Variants in PARP14 observed in about 807,000 individuals in gnomAD.
PARP14 encodes poly(ADP-ribose) polymerase family member 14, also known as protein mono-ADP-ribosyltransferase PARP14.
Under a neutral mutation model 154.2 loss-of-function variants are expected in PARP14, and 59 were observed. The observed-to-expected ratio is 0.38, with a 90% CI of 0.31 to 0.48. The LOEUF is 0.48. Ranked by LOEUF, PARP14 falls within the 20% of genes least tolerant of loss-of-function variation. The probability of loss-of-function intolerance (pLI) is 0.98; values close to 1 mark genes in which losing one functional copy is unlikely to be tolerated. For synonymous variants in PARP14, 720 were observed against 780.5 expected, an observed-to-expected ratio of 0.92 and a Z score of 1.29; for missense variants, 1,734 against 2,131.6, an observed-to-expected ratio of 0.81 and a Z score of 3.67.
chr3:122,687,141 C>G, intron 3 of PARP14, 28 bp downstream of exon 3: 1 of 1,549,670 alleles, frequency 6.5e-7, no homozygotes, highest in Non-Finnish European at 8.8e-7. Context: ...ATGACTCTGA[C>G]ATTCACCAAG....
intron 3 of PARP14, among the ~76,000 whole-genome samples, chr3:122,690,426 T>C (rs1186944707): frequency 1.3e-5 from 2 of 152,208 alleles, no homozygotes; most frequent in Non-Finnish European, 2.9e-5. Flanking sequence ...TGTGTGTGCA[T>C]GGCATGATAG....
At chr3:122,687,526 G>T (rs1225495635) in intron 3 of PARP14, among the ~76,000 whole-genome samples, 1 of 152,214 alleles carries the variant, frequency 6.6e-6, no homozygotes, top group East Asian at 1.9e-4. Flanking sequence ...GCTGTGCTCT[G>T]GAGCCAAAAC....
In PARP14 at chr3:122,699,784, GGACACCATA is replaced by G; in HGVS notation, c.1231_1239del (p.Asp411_Ile413del). ...CAATTAAAGTGGATCCAACAATGTG[GGACACCATA>G]AAAAATGATGTGAAAGATGACAGGA... is the stretch of plus-strand genomic sequence containing the variant. On this transcript the variant is annotated inframe_deletion, in exon 6 of 17. Coordinates refer to ENST00000474629, the MANE Select transcript of PARP14 (RefSeq NM_017554.3). The G allele has an allele frequency of 6.2e-7, 1 of 1,613,870 alleles. No homozygotes were observed. The highest frequency in any genetic ancestry group is 2.2e-5 in the East Asian group (1 of 44,888).
Position 122,699,862 on chromosome 3 carries a change from A to G in PARP14, c.1308A>G (p.Ala436=). The change falls in exon 6 of 17, where the codon GCA becomes GCG. Residue 436 remains alanine, a synonymous_variant. Transcript: ENST00000474629. ...CACTTAAGGAGATGGTAATCTTAGC[A>G]GGGAAATCAGAGGATGTCCAAAGCA... ...FDTLKEMVIL[A]GKSEDVQSIE... The G allele has an allele frequency of 6.2e-7, 1 of 1,613,838 alleles. No individual in the cohort carries two copies. Among genetic ancestry groups the G allele is most frequent in the African/African-American group, 1.3e-5 (1 of 75,062 alleles).
intron 15 of PARP14, among the ~76,000 whole-genome samples, chr3:122,727,432 A>C (rs1026783809): frequency 6.6e-6 from 1 of 152,214 alleles, no homozygotes; most frequent in African/African-American, 2.4e-5. Flanking sequence ...CCAGTATCCC[A>C]GAAGGACTGA....
rs1168175070 is a variant in PARP14 at position 122,701,055 on chromosome 3, C to A, written c.2501C>A (p.Ala834Asp). ...GACCTTAAGCATTATGGTGGCCTGG[C>A]CGCTGCGCTCTCAAAAGCAGCTGGC... The part of the protein sequence containing the change: ...NEDLKHYGGL[A>D]AALSKAAGPE... The change falls in exon 6 of 17, where the codon GCC becomes GAC. Residue 834 changes from alanine (A) to aspartate (D), a missense_variant. Ala to Asp is a moderately radical substitution (Grantham distance 126). Transcript: ENST00000474629. The surrounding 1 kb of genome is among the most constrained non-coding windows in gnomAD (Gnocchi z 4.0). 1.2e-6 allele frequency: 2 copies of A among 1,613,854 alleles called. No individual in the cohort carries two copies. Among genetic ancestry groups the A allele is most frequent in the African/African-American group, 2.7e-5 (2 of 74,932 alleles).
rs762047038 is a variant in PARP14, at chr3:122,681,094, G to T, written c.187+24G>T. On this transcript the variant is annotated intron_variant, in intron 1 of 16. Coordinates refer to ENST00000474629, the MANE Select transcript of PARP14 (RefSeq NM_017554.3). The surrounding 1 kb of genome is among the most constrained non-coding windows in gnomAD (Gnocchi z 5.5). The stretch of plus-strand genomic sequence containing the variant: ...CGGTGAGGGGCGCGAGGGGTGGGGT[G>T]AGGAGGGGGCACCTCTGCCCTCCCT... 6.3e-7 allele frequency: 1 copy of T among 1,579,200 alleles called. No individual in the cohort carries two copies. The highest frequency in any genetic ancestry group is 1.1e-5 in the South Asian group (1 of 90,092).
chr3:122,727,603 G>A (rs1560352), intron 15 of PARP14, among the ~76,000 whole-genome samples: 66,641 of 152,128 alleles, frequency 0.44, 15,738 homozygotes, highest in South Asian at 0.54. Flanking sequence ...CATAAAAGAT[G>A]TTAAAAATTA....
Position 122,700,657 on chromosome 3 carries a change from T to C in PARP14, c.2103T>C (p.Asn701=), listed in dbSNP as rs778017445. ...KLFWPKIKKV[N]VQVSFNPENK... ...TCTGGCCAAAGATAAAGAAGGTAAA[T>C]GTGCAGGTAAGTTTCAATCCTGAGA... Residue 701 remains asparagine, a synonymous_variant, in exon 6 of 17, where the codon AAT becomes AAC. Transcript: ENST00000474629. 6.2e-7 allele frequency: 1 copy of C among 1,607,764 alleles called. No homozygotes were observed. Among genetic ancestry groups the C allele is most frequent in the Non-Finnish European group, 8.5e-7 (1 of 1,176,796 alleles).
At chr3:122,702,993 T>TAAAAAAAAAAAAAAA (rs10707029) in intron 6 of PARP14, among the ~76,000 whole-genome samples, 1 of 83,948 alleles carries the variant, frequency 1.2e-5, no homozygotes, top group Non-Finnish European at 2.4e-5. Flanking sequence ...CCCTCTCTCT[T>TAAAAAAAAAAAAAAA]AAAAAAAAAA....
chr3:122,692,398 G>A lies in PARP14; in HGVS notation c.453G>A (p.Val151=). 1.2e-6 allele frequency: 2 copies of A among 1,613,762 alleles called. No individual in the cohort carries two copies. The highest frequency in any genetic ancestry group is 1.7e-6 in the Non-Finnish European group (2 of 1,179,724). Residue 151 remains valine, a synonymous_variant, in exon 4 of 17, where the codon GTG becomes GTA. Coordinates refer to ENST00000474629, the MANE Select transcript of PARP14 (RefSeq NM_017554.3). ...PEECENISSL[V]AFENLKANVT... is the part of the protein sequence containing the mutation. ...AATGTGAAAATATTTCCTCTTTGGT[G>A]GCATTTGAAAACCTCAAGGCAAATG...
At chr3:122,686,045 A>G (rs1938364084) in intron 2 of PARP14, among the ~76,000 whole-genome samples, 1 of 152,254 alleles carries the variant, frequency 6.6e-6, no homozygotes, top group African/African-American at 2.4e-5. Context: ...ATCCAACAAC[A>G]GATTGCAGGA....
At chr3:122,719,410 C>T (rs558530016) in intron 14 of PARP14, among the ~76,000 whole-genome samples, 3 of 152,236 alleles carry the variant, frequency 2.0e-5, no homozygotes, top group East Asian at 3.9e-4. Flanking sequence ...CAGGGAGGAT[C>T]GGGAGCCTGT....
At position 122,681,070 on chromosome 3, in the gene PARP14, G is replaced by T. The variant is rs1443072515; in HGVS notation, c.187G>T (p.Val63Phe). 1 of 1,612,044 alleles carries T rather than the reference G, an allele frequency of 6.2e-7. No homozygotes were observed. The highest frequency in any genetic ancestry group is 1.7e-5 in the Admixed American group (1 of 59,980). Residue 63 changes from valine (V) to phenylalanine (F), a missense_variant and splice_region_variant, in exon 1 of 17, where the codon GTT (valine) becomes TTT (phenylalanine). Around this residue, in one of 2 missense-constraint regions of PARP14, gnomAD observed 1,646 missense variants for 1,976.0 expected, o/e 0.83. Transcript: ENST00000474629. The surrounding 1 kb of genome is among the most constrained non-coding windows in gnomAD (Gnocchi z 5.5). The part of the protein sequence containing the change: ...RFLVFFYPED[V>F]RQKVLERKNH... ...CCTGGTGTTCTTCTACCCGGAGGACGGTGAGGGGCGCGAGGGGTGGGGTGA... is the reference window on the plus strand; with the variant it reads ...CCTGGTGTTCTTCTACCCGGAGGACTGTGAGGGGCGCGAGGGGTGGGGTGA...
At chr3:122,706,444 C>T (rs7612419) in intron 8 of PARP14, among the ~76,000 whole-genome samples, 21,912 of 152,126 alleles carry the variant, frequency 0.14, 1,730 homozygotes, top group African/African-American at 0.22. Context: ...AAAAAAATTT[C>T]AATCAGTTGC....
Position 122,700,322 on chromosome 3 carries a change from A to G in PARP14, c.1768A>G (p.Lys590Glu). 1 of 1,613,754 alleles carries G rather than the reference A, an allele frequency of 6.2e-7. No individual in the cohort carries two copies. Among genetic ancestry groups the G allele is most frequent in the Non-Finnish European group, 8.5e-7 (1 of 1,179,758 alleles). Residue 590 changes from lysine to glutamate, a missense_variant, in exon 6 of 17, where the codon AAG (lysine) becomes GAG (glutamate). Physicochemically the swap from Lys to Glu is moderately conservative, Grantham distance 56. Coordinates refer to ENST00000474629, the MANE Select transcript of PARP14 (RefSeq NM_017554.3). ...CSSEALLEAE[K>E]QMLSALNYKR... Reference sequence around the variant, plus strand: ...TTCTGAAGCCCTGTTAGAAGCAGAAAAGCAAATGCTCAGTGCCTTAAATTA... The same window carrying G: ...TTCTGAAGCCCTGTTAGAAGCAGAAGAGCAAATGCTCAGTGCCTTAAATTA...
At chr3:122,723,379 TA>T (rs1933206939) in intron 15 of PARP14, among the ~76,000 whole-genome samples, 1 of 152,224 alleles carries the variant, frequency 6.6e-6, no homozygotes, top group African/African-American at 2.4e-5. Context: ...CTCTTGCATT[TA>T]AAAAATTATT....
chr3:122,700,913 C>T lies in PARP14; in HGVS notation c.2359C>T (p.Pro787Ser), dbSNP rs1418643196. The T allele has an allele frequency of 6.2e-7, 1 of 1,613,956 alleles. No individual in the cohort carries two copies. The highest frequency in any genetic ancestry group is 1.1e-5 in the South Asian group (1 of 91,074). The change falls in exon 6 of 17, where the codon CCC (proline) becomes TCC (serine). Residue 787 changes from proline to serine, a missense_variant. By Grantham distance (74) the Pro-to-Ser change is moderately conservative (BLOSUM62 -1). Coordinates refer to ENST00000474629, the MANE Select transcript of PARP14 (RefSeq NM_017554.3). Reference sequence around the variant, plus strand: ...TGAAGTAATGAAGGAGGGAGGCAGCCCCGCTGGGCAGAAGTGCTTCTCTCG... The same window carrying T: ...TGAAGTAATGAAGGAGGGAGGCAGCTCCGCTGGGCAGAAGTGCTTCTCTCG... ...ENEVMKEGGS[P>S]AGQKCFSRTV...
intron 12 of PARP14, among the ~76,000 whole-genome samples, chr3:122,717,806 T>C (rs1473767519): frequency 6.6e-6 from 1 of 152,186 alleles, no homozygotes; most frequent in African/African-American, 2.4e-5. Flanking sequence ...ATAGAGTAGA[T>C]ATGATTGTCA....
Sources: gnomAD v4.1 joint callset for allele counts (sites outside exome capture counted in the v4.1 genomes callset) on GRCh38, gnomAD v4.1.1 for gene constraint, gnomAD v4.1.1 regional missense constraint, Gnocchi (gnomAD v3.1) non-coding constraint, MANE v1.5 for transcripts, NCBI Gene and HGNC (gene_info 2026-07-23, HGNC 2026-07-21) for gene names.